SLC44A3: variants seen among roughly 807,000 people sequenced by gnomAD.
SLC44A3 encodes the protein solute carrier family 44 member 3, also known as choline transporter-like protein 3.
SLC44A3 carries 74 observed loss-of-function variants against 75.4 expected under a neutral mutation model. The observed-to-expected ratio is 0.98, with a 90% CI of 0.81 to 1.19. SLC44A3 has a LOEUF of 1.19. Among genes scored for constraint, SLC44A3 ranks in the 50% most tolerant of loss-of-function variants. The pLI is 0.00. For synonymous variants in SLC44A3, 310 were observed against 296.9 expected, an observed-to-expected ratio of 1.04 and a Z score of -0.45; for missense variants, 700 against 778.6, an observed-to-expected ratio of 0.90 and a Z score of 1.20.
intron 2 of SLC44A3, among the ~76,000 whole-genome samples, chr1:94,821,809 G>T (rs1289839164): frequency 6.6e-6 from 1 of 152,206 alleles, no homozygotes; most frequent in African/African-American, 2.4e-5. Context: ...ATAACTACCA[G>T]ATAGTAATTA....
In SLC44A3 at chr1:94,884,518, T is replaced by C. The variant is rs536406605; in HGVS notation, c.1483-6612T>C. ...GAATGCCAGTGTTATTTATTCACTG[T>C]TCAGTTTCTCAAGTTTGTTTTAGTA... On this transcript the variant is annotated intron_variant, in intron 12 of 14. Coordinates refer to ENST00000271227, the MANE Select transcript of SLC44A3 (RefSeq NM_001114106.3). 3.3e-5 allele frequency among the ~76,000 whole-genome samples: 5 copies of C among 152,318 alleles called. No homozygotes were observed. The South Asian group carries it at 1.0e-3, about 32-fold the overall frequency.
At chr1:94,850,135 A>G (rs2101147260) in intron 9 of SLC44A3, among the ~76,000 whole-genome samples, 1 of 152,132 alleles carries the variant, frequency 6.6e-6, no homozygotes. Context: ...CAGATGGGCT[A>G]TTTTTCTAAT....
intron 9 of SLC44A3, 98 bp from the exon 10 acceptor site, chr1:94,857,237 A>G (rs374661296): frequency 7.9e-7 from 1 of 1,272,162 alleles, no homozygotes; most frequent in East Asian, 2.6e-5. Flanking sequence ...TGTTTTATGT[A>G]ATGCCAAAGG....
chr1:94,841,148 A>T (rs184834519), intron 7 of SLC44A3, among the ~76,000 whole-genome samples: 121 of 152,320 alleles, frequency 7.9e-4, no homozygotes, highest in Admixed American at 7.5e-3. Flanking sequence ...ACTGTACAGA[A>T]TACGGTTGGC....
In SLC44A3 at chr1:94,857,378, C is replaced by T. The variant is rs1239137563; in HGVS notation, c.1116C>T (p.Pro372=). ...VMEGGQVEYK[P]LSGIRYMWSY... ...AAGGCGGCCAAGTGGAATATAAGCC[C>T]CTTTCGGGCATTCGGTACATGTGGT... Residue 372 remains proline, a synonymous_variant, in exon 10 of 15, where the codon CCC becomes CCT. Transcript: ENST00000271227. The T allele has an allele frequency of 1.2e-6, 2 of 1,613,192 alleles. No homozygotes were observed. The highest frequency in any genetic ancestry group is 1.3e-5 in the African/African-American group (1 of 74,872).
At chr1:94,830,377 T>C (rs1432188623) in intron 5 of SLC44A3, among the ~76,000 whole-genome samples, 4 of 152,118 alleles carry the variant, frequency 2.6e-5, no homozygotes, top group Admixed American at 6.5e-5. Context: ...CATACCCAGC[T>C]AATGTTTTTA....
At position 94,867,399 on chromosome 1, in the gene SLC44A3, C is replaced by A; in HGVS notation, c.1464C>A (p.Tyr488Ter). The A allele has an allele frequency of 6.2e-7, 1 of 1,606,226 alleles. No homozygotes were observed. Among genetic ancestry groups the A allele is most frequent in the Non-Finnish European group, 8.5e-7 (1 of 1,175,374 alleles). ...GCTGTTTCTGGTGTCTTGACAAATA[C>A]CTGCTCCATCTCAACCAGGTACGTC... ...CYCCFWCLDKYLLHLNQNAYT... is the reference protein window; with the variant it reads ...CYCCFWCLDK The change falls in exon 12 of 15, where the codon TAC (tyrosine) becomes TAA (stop). Residue 488 changes from tyrosine (Y) to a stop codon, truncating the protein, a stop_gained. Transcript: ENST00000271227. LOFTEE classifies it high-confidence loss of function.
chr1:94,847,553 C>T (rs1205516525), intron 9 of SLC44A3, among the ~76,000 whole-genome samples: 3 of 152,180 alleles, frequency 2.0e-5, no homozygotes, highest in South Asian at 2.1e-4. Flanking sequence ...GAATAGATAT[C>T]GTGAGACAGG....
In SLC44A3 at chr1:94,821,069, G is replaced by T; in HGVS notation, c.135+13G>T. 1 of 1,546,228 alleles carries T rather than the reference G, an allele frequency of 6.5e-7. No individual in the cohort carries two copies. The highest frequency in any genetic ancestry group is 8.8e-7 in the Non-Finnish European group (1 of 1,142,544). On this transcript the variant is annotated intron_variant, in intron 2 of 14. Coordinates refer to ENST00000271227, the MANE Select transcript of SLC44A3 (RefSeq NM_001114106.3). ...TTGGACTGGTTTGGTAAGTGTGGGT[G>T]CTTGGTAGGAAAGAGGCCAGAGTGT...
intron 2 of SLC44A3, 31 bp downstream of exon 2, chr1:94,821,087 C>A: frequency 6.6e-7 from 1 of 1,523,232 alleles, no homozygotes; most frequent in South Asian, 1.2e-5. Context: ...GGAAAGAGGC[C>A]AGAGTGTGTG....
intron 2 of SLC44A3, 138 bp from the exon 3 acceptor site, chr1:94,824,355 A>G (rs774455460): frequency 5.2e-6 from 5 of 955,784 alleles, no homozygotes; most frequent in Non-Finnish European, 7.3e-6. Context: ...TGACACTGTT[A>G]CTGACGGAGC....
intron 7 of SLC44A3, among the ~76,000 whole-genome samples, chr1:94,840,293 T>C (rs1480263961): frequency 7.2e-6 from 1 of 139,214 alleles, no homozygotes; most frequent in Non-Finnish European, 1.6e-5. Context: ...CTTTTTTTTT[T>C]TTTTTTTTTT....
intron 7 of SLC44A3, 97 bp from the exon 8 acceptor site, chr1:94,841,903 G>A (rs1053365329): frequency 5.4e-5 from 78 of 1,454,434 alleles, no homozygotes; most frequent in Middle Eastern, 1.9e-4. Context: ...CCACGCGGCC[G>A]GTGGGCAGTG....
chr1:94,872,226 C>T (rs141564595), intron 12 of SLC44A3, among the ~76,000 whole-genome samples: 5,406 of 152,088 alleles, frequency 0.036, 145 homozygotes, highest in East Asian at 0.065. Flanking sequence ...CTCAGCCTCC[C>T]GAGTAGCTGG....
intron 6 of SLC44A3, chr1:94,838,796 A>G (rs1663164588): frequency 6.6e-6 from 1 of 152,246 alleles, no homozygotes; most frequent in Non-Finnish European, 1.5e-5. Flanking sequence ...TGGTTACAAT[A>G]TATAACAAAA....
chr1:94,823,465 G>A (rs1021682886), intron 2 of SLC44A3, among the ~76,000 whole-genome samples: 3 of 152,214 alleles, frequency 2.0e-5, no homozygotes, highest in Non-Finnish European at 4.4e-5. Flanking sequence ...GAGGTCTGCA[G>A]CCCGTAAGTC....
At chr1:94,855,694 A>G (rs1665787762) in intron 9 of SLC44A3, among the ~76,000 whole-genome samples, 2 of 152,226 alleles carry the variant, frequency 1.3e-5, no homozygotes, top group Admixed American at 1.3e-4. Context: ...GAGCTTGGGA[A>G]TTAAGATCAG....
At chr1:94,888,789 G>T in intron 12 of SLC44A3, 1 of 844,392 alleles carries the variant, frequency 1.2e-6, no homozygotes, top group Non-Finnish European at 1.4e-6. Flanking sequence ...GAGTGCAGTG[G>T]TGCGATCTCG....
Position 94,857,477 on chromosome 1 carries a change from A to T in SLC44A3, c.1215A>T (p.Ala405=). The T allele has an allele frequency of 1.2e-6, 2 of 1,612,412 alleles. No individual in the cohort carries two copies. Among genetic ancestry groups the T allele is most frequent in the Non-Finnish European group, 1.7e-6 (2 of 1,179,554 alleles). ...LACQQMTIAG[A]VVTCYFNRSK... ...GCCAGCAAATGACTATAGCTGGGGCAGTGGTTACTTGTTATTTCAACAGGT... is the reference window on the plus strand; with the variant it reads ...GCCAGCAAATGACTATAGCTGGGGCTGTGGTTACTTGTTATTTCAACAGGT... Residue 405 remains alanine, a synonymous_variant, in exon 10 of 15, where the codon GCA becomes GCT. Transcript: ENST00000271227.
Sources: gnomAD v4.1 joint callset for allele counts (sites outside exome capture counted in the v4.1 genomes callset) on GRCh38, gnomAD v4.1.1 for gene constraint, MANE v1.5 for transcripts, NCBI Gene and HGNC (gene_info 2026-07-23, HGNC 2026-07-21) for gene names.